Variants in PRP4K observed in about 807,000 individuals in gnomAD.
PRP4K encodes pre-mRNA processing factor kinase PRP4K.
the PRP4K span, among the ~76,000 whole-genome samples, chr6:4,059,184 T>C: frequency 2.0e-5 from 3 of 152,160 alleles, no homozygotes; most frequent in Admixed American, 2.0e-4. Context: ...CTGTTACCTA[T>C]GAAATAATAT....
the PRP4K span, chr6:4,031,500 T>C: frequency 3.9e-6 from 5 of 1,270,720 alleles, no homozygotes; most frequent in Non-Finnish European, 5.4e-6. Context: ...TATTTTCTTA[T>C]GGCTCTTTGA....
chr6:4,022,700 A>G, the PRP4K span, among the ~76,000 whole-genome samples: 43 of 152,154 alleles, frequency 2.8e-4, no homozygotes, highest in African/African-American at 9.7e-4. Context: ...CTGCTGTATT[A>G]TTTTTACAAT....
At chr6:4,037,427 A>G in the PRP4K span, 4 of 1,613,634 alleles carry the variant, frequency 2.5e-6, no homozygotes, top group East Asian at 6.7e-5. Context: ...TCCTCAGTAG[A>G]CGTGAAAGAT....
the PRP4K span, chr6:4,043,989 C>T: frequency 1.2e-6 from 2 of 1,614,088 alleles, no homozygotes; most frequent in African/African-American, 2.7e-5. Context: ...CAGTGAAAGC[C>T]AAGCATAATC....
At chr6:4,052,224 G>GT in the PRP4K span, 700,414 of 1,025,832 alleles carry the variant, frequency 0.68, 244,457 homozygotes, top group East Asian at 0.78. Flanking sequence ...TCTGGTTTTT[G>GT]TTTTTAACTT....
At chr6:4,049,625 C>A in the PRP4K span, 7 of 1,157,494 alleles carry the variant, frequency 6.0e-6, no homozygotes, top group Non-Finnish European at 8.5e-6. Context: ...TCTAGGAAAC[C>A]AAATAGTAGA....
the PRP4K span, among the ~76,000 whole-genome samples, chr6:4,024,993 CA>C: frequency 3.7e-4 from 56 of 152,242 alleles, no homozygotes; most frequent in East Asian, 0.01. Context: ...TAAAACTTAA[CA>C]AAACAAATAA....
chr6:4,034,862 A>ACCACCATTC, the PRP4K span, among the ~76,000 whole-genome samples: 1 of 150,196 alleles, frequency 6.7e-6, no homozygotes, highest in East Asian at 2.0e-4. Context: ...ACAGACACGC[A>ACCACCATTC]CCACCATGCC....
the PRP4K span, chr6:4,021,424 A>T: frequency 1.3e-6 from 2 of 1,583,308 alleles, no homozygotes; most frequent in Admixed American, 1.8e-5. Context: ...AGGAAGTTCA[A>T]GATGGCCGCC....
At chr6:4,036,119 G>A in the PRP4K span, among the ~76,000 whole-genome samples, 1 of 152,144 alleles carries the variant, frequency 6.6e-6, no homozygotes, top group Admixed American at 6.5e-5. Flanking sequence ...AAAAAATTAA[G>A]CTGTAGAAAG....
At chr6:4,034,528 T>A in the PRP4K span, among the ~76,000 whole-genome samples, 1 of 152,166 alleles carries the variant, frequency 6.6e-6, no homozygotes, top group Non-Finnish European at 1.5e-5. Flanking sequence ...TATGACTATG[T>A]GAACTGCCCC....
chr6:4,053,969 G>T, the PRP4K span, among the ~76,000 whole-genome samples: 8 of 151,832 alleles, frequency 5.3e-5, no homozygotes, highest in African/African-American at 1.9e-4. Context: ...GAGTGCAGTG[G>T]TGCCATAATG....
chr6:4,038,532 A>C, the PRP4K span, among the ~76,000 whole-genome samples: 29 of 151,640 alleles, frequency 1.9e-4, no homozygotes, highest in Non-Finnish European at 3.4e-4. Flanking sequence ...ACCCCAAATG[A>C]TCCGCTCGTC....
At chr6:4,048,173 T>TG in the PRP4K span, among the ~76,000 whole-genome samples, 1 of 151,846 alleles carries the variant, frequency 6.6e-6, no homozygotes, top group Non-Finnish European at 1.5e-5. Flanking sequence ...GGTCAGGAGA[T>TG]CGAGACCATC....
the PRP4K span, chr6:4,049,656 T>C: frequency 7.1e-7 from 1 of 1,410,738 alleles, no homozygotes; most frequent in African/African-American, 1.4e-5. Context: ...AATTTTTAAA[T>C]GACTGCACTG....
chr6:4,032,922 T>C, the PRP4K span, among the ~76,000 whole-genome samples: 1 of 152,254 alleles, frequency 6.6e-6, no homozygotes, highest in Non-Finnish European at 1.5e-5. Context: ...ACCATGTTAA[T>C]ATTTGCACTT....
chr6:4,024,879 C>T, the PRP4K span, among the ~76,000 whole-genome samples: 73 of 152,270 alleles, frequency 4.8e-4, no homozygotes, highest in East Asian at 0.012. Flanking sequence ...GTTGGGATTA[C>T]AGTCATAAGC....
At chr6:4,045,521 A>G in the PRP4K span, among the ~76,000 whole-genome samples, 2 of 152,240 alleles carry the variant, frequency 1.3e-5, no homozygotes, top group Admixed American at 6.5e-5. Context: ...GGACAAAGTT[A>G]GGAAGTAGAT....
the PRP4K span, among the ~76,000 whole-genome samples, chr6:4,022,346 T>C: frequency 6.6e-6 from 1 of 150,900 alleles, no homozygotes; most frequent in Non-Finnish European, 1.5e-5. Flanking sequence ...AGGTTAACCA[T>C]TGGTTAACTT....
Sources: allele counts gnomAD v4.1 joint callset (sites outside exome capture counted in the v4.1 genomes callset), GRCh38; gene constraint gnomAD v4.1.1; transcripts MANE v1.5; gene names NCBI Gene and HGNC (gene_info 2026-07-23, HGNC 2026-07-21).